Variants in ITGAV observed in about 807,000 individuals in gnomAD.
ITGAV encodes the protein integrin alpha-V.
A neutral mutation model predicts 143.8 loss-of-function variants in ITGAV; 76 were observed. The observed-to-expected ratio is 0.53, with a 90% CI of 0.44 to 0.64. The LOEUF (loss-of-function observed/expected upper bound fraction) is 0.64, where lower values mean the gene tolerates loss of function less well. ITGAV is among the 30% of genes least tolerant of loss of function. The pLI, the probability that ITGAV is intolerant of heterozygous loss-of-function variation, is 0.00. For synonymous variants in ITGAV, 453 were observed against 446.7 expected (o/e 1.01, Z -0.18); for missense variants, 1,193 against 1,274.7 (o/e 0.94, Z 0.98).
rs976609906 is a variant in ITGAV at position 186,634,209 on chromosome 2, A to G, written c.631+835A>G. On this transcript the variant is annotated intron_variant, in intron 6 of 29. Transcript: ENST00000261023. ...GTTGACAGTGTGAATATAGATAACT[A>G]AAACTTTATTTGCTTTATGTTTCTT... Among the ~76,000 whole-genome samples the G allele has an allele frequency of 3.3e-5, 5 of 152,176 alleles. No homozygotes were observed. In the South Asian group the frequency reaches 8.3e-4, roughly 25 times the overall value.
intron 2 of ITGAV, among the ~76,000 whole-genome samples, chr2:186,612,439 CACTA>C (rs1384745147): frequency 6.6e-6 from 1 of 151,756 alleles, no homozygotes; most frequent in Non-Finnish European, 1.5e-5. Flanking sequence ...TGTCACCTAC[CACTA>C]ACTGTTTCTG....
chr2:186,615,516 A>G (rs1687329005), intron 2 of ITGAV, among the ~76,000 whole-genome samples: 1 of 152,058 alleles, frequency 6.6e-6, no homozygotes, highest in African/African-American at 2.4e-5. Context: ...GTGTGAAGCC[A>G]TATTTTATTG....
chr2:186,668,799 T>G lies in ITGAV; in HGVS notation c.2471T>G (p.Met824Arg). Residue 824 changes from methionine to arginine, a missense_variant, in exon 25 of 30, where the codon ATG (methionine) becomes AGG (arginine). Met to Arg is a moderately conservative substitution (Grantham distance 91, BLOSUM62 -1). Coordinates refer to ENST00000261023, the MANE Select transcript of ITGAV (RefSeq NM_002210.5). ...NNGPSSFSKA[M>R]LHLQWPYKYN... Reference sequence around the variant, plus strand: ...GGTCCAAGTTCATTCAGCAAGGCAATGCTCCATCTTCAGTGGCCTTACAAA... The same window carrying G: ...GGTCCAAGTTCATTCAGCAAGGCAAGGCTCCATCTTCAGTGGCCTTACAAA... 6.2e-7 allele frequency: 1 copy of G among 1,613,832 alleles called. No individual in the cohort carries two copies. Among genetic ancestry groups the G allele is most frequent in the Non-Finnish European group, 8.5e-7 (1 of 1,179,934 alleles).
rs562639972 is a variant in ITGAV, at chr2:186,663,820, A to C, written c.1910A>C (p.Glu637Ala). 8.1e-6 allele frequency: 13 copies of C among 1,611,576 alleles called. No homozygotes were observed. The African/African-American group carries it at 1.7e-4, about 21-fold the overall frequency. ...GACAATGTCTGTAAACCCAAGCTGG[A>C]AGTTTCTGTAGATAGGTAAGTTTTG... Reference protein sequence around the residue: ...GEDNVCKPKLEVSVDSDQKKI... With the variant: ...GEDNVCKPKLAVSVDSDQKKI... Residue 637 changes from glutamate to alanine, a missense_variant, in exon 19 of 30, where the codon GAA (glutamate) becomes GCA (alanine). By Grantham distance (107) the Glu-to-Ala change is moderately radical. Transcript: ENST00000261023.
At chr2:186,675,771 A>G (rs199907324) in intron 27 of ITGAV, 49 bp from the exon 28 acceptor site, 20 of 1,547,058 alleles carry the variant, frequency 1.3e-5, no homozygotes, top group Non-Finnish European at 1.8e-5. Context: ...TCAAATAAAT[A>G]TAAAAGGCCT....
chr2:186,649,984 AAAT>A lies in ITGAV; in HGVS notation c.1397+103_1397+105del, dbSNP rs968191136. ...TTTGAATTTTAGTTTAATTTTCTTG[AAAT>A]AATGATAAAATTTGCTCTTTCTATT... On this transcript the variant is annotated intron_variant, in intron 14 of 29. Transcript: ENST00000261023. 15 of 752,968 alleles carry A rather than the reference AAAT, an allele frequency of 2.0e-5. No homozygotes were observed. In the Middle Eastern group the frequency reaches 8.8e-4, roughly 44 times the overall value. The allele number at this position is 752,968 out of a possible 1,614,324, so 46.6% of individuals were successfully genotyped here.
At chr2:186,657,149 C>T (rs1292731438) in intron 17 of ITGAV, among the ~76,000 whole-genome samples, 7 of 152,112 alleles carry the variant, frequency 4.6e-5, no homozygotes, top group Non-Finnish European at 1.0e-4. Context: ...AATCTTGGCA[C>T]TTTGGGAGGC....
chr2:186,636,330 G>A (rs1207888753), intron 7 of ITGAV, 123 bp downstream of exon 7: 1 of 746,330 alleles, frequency 1.3e-6, no homozygotes, highest in African/African-American at 1.8e-5. Flanking sequence ...GAAACATACA[G>A]AATATACAAT....
chr2:186,603,457 G>T (rs1686969262), intron 2 of ITGAV, among the ~76,000 whole-genome samples: 1 of 148,446 alleles, frequency 6.7e-6, no homozygotes, highest in South Asian at 2.1e-4. Flanking sequence ...TGTTTTCAGG[G>T]TTTTTTTTTT....
chr2:186,640,737 C>G (rs898504048), intron 10 of ITGAV, among the ~76,000 whole-genome samples, 178 bp from the exon 11 acceptor site: 1 of 152,092 alleles, frequency 6.6e-6, no homozygotes, highest in African/African-American at 2.4e-5. Flanking sequence ...AGGAAAACAA[C>G]AAGCCTCATT....
chr2:186,611,800 G>T (rs931523078), intron 2 of ITGAV, among the ~76,000 whole-genome samples: 1 of 152,130 alleles, frequency 6.6e-6, no homozygotes, highest in African/African-American at 2.4e-5. Flanking sequence ...TGGTGGCCTG[G>T]TGGCTCATGC....
intron 1 of ITGAV, 98 bp downstream of exon 1, chr2:186,590,621 CGTCT>C: frequency 2.6e-6 from 3 of 1,140,706 alleles, no homozygotes; most frequent in Non-Finnish European, 3.7e-6. Flanking sequence ...GAGATCCCGG[CGTCT>C]GTCTGTCTCA....
intron 28 of ITGAV, 96 bp from the exon 29 acceptor site, chr2:186,676,717 G>A (rs1290830745): frequency 4.2e-5 from 54 of 1,296,420 alleles, no homozygotes; most frequent in Non-Finnish European, 2.8e-5. Flanking sequence ...AGAATATACT[G>A]TGAATTCCAT....
intron 18 of ITGAV, among the ~76,000 whole-genome samples, chr2:186,659,980 C>T (rs1688700681): frequency 6.6e-6 from 1 of 151,826 alleles, no homozygotes; most frequent in African/African-American, 2.4e-5. Context: ...ATATTCTTTA[C>T]ATTTTTTATT....
Position 186,636,113 on chromosome 2 carries a change from C to A in ITGAV, c.663C>A (p.Ile221=), listed in dbSNP as rs199813220. The part of the protein sequence containing the change: ...GQLISDQVAE[I]VSKYDPNVYS... Reference sequence around the variant, plus strand: ...TTATTTCGGATCAAGTGGCAGAAATCGTATCTAAATACGACCCCAATGTTT... The same window carrying A: ...TTATTTCGGATCAAGTGGCAGAAATAGTATCTAAATACGACCCCAATGTTT... Residue 221 remains isoleucine (I), a synonymous_variant, in exon 7 of 30, where the codon ATC becomes ATA. Coordinates refer to ENST00000261023, the MANE Select transcript of ITGAV (RefSeq NM_002210.5). The A allele has an allele frequency of 1.2e-6, 2 of 1,612,838 alleles. No homozygotes were observed. The highest frequency in any genetic ancestry group is 1.1e-5 in the South Asian group (1 of 90,954).
intron 9 of ITGAV, 24 bp downstream of exon 9, chr2:186,638,344 T>G: frequency 6.2e-7 from 1 of 1,611,982 alleles, no homozygotes; most frequent in South Asian, 1.1e-5. Context: ...AAGGTATTTT[T>G]TAAAAAATCT....
rs111876062 is a variant in ITGAV, at chr2:186,674,754, C to G, written c.2707-850C>G. Among the ~76,000 whole-genome samples, 1,273 of 152,180 alleles carry G rather than the reference C, an allele frequency of 8.4e-3. 21 individuals carry two copies. The highest frequency in any genetic ancestry group is 0.029 in the African/African-American group (1,224 of 41,512). ...CTCGAACTCCTGACCTCAAGCGATACGCCTGCCTCAGCCTCCCAAAGTGCT... is the reference window on the plus strand; with the variant it reads ...CTCGAACTCCTGACCTCAAGCGATAGGCCTGCCTCAGCCTCCCAAAGTGCT... On this transcript the variant is annotated intron_variant, in intron 26 of 29. Coordinates refer to ENST00000261023, the MANE Select transcript of ITGAV (RefSeq NM_002210.5).
intron 1 of ITGAV, among the ~76,000 whole-genome samples, chr2:186,592,473 C>G (rs1168724367): frequency 6.6e-6 from 1 of 151,898 alleles, no homozygotes; most frequent in African/African-American, 2.4e-5. Flanking sequence ...ATAACAACAA[C>G]AAAATAAAGT....
At chr2:186,666,666 C>T (rs764762138) in intron 21 of ITGAV, 38 bp from the exon 22 acceptor site, 2 of 1,203,468 alleles carry the variant, frequency 1.7e-6, no homozygotes, top group Non-Finnish European at 2.3e-6. Flanking sequence ...GCTAATTAGA[C>T]ATTGACTAGC....
Sources: gnomAD v4.1 joint callset for allele counts (sites outside exome capture counted in the v4.1 genomes callset) on GRCh38, gnomAD v4.1.1 for gene constraint, MANE v1.5 for transcripts, NCBI Gene and HGNC (gene_info 2026-07-23, HGNC 2026-07-21) for gene names.